The following MTERF4 variants were observed in gnomAD, a reference collection of about 807,000 sequenced individuals.
The protein encoded by MTERF4 is mitochondrial transcription termination factor 4, also known as transcription termination factor 4, mitochondrial.
In MTERF4, 17 loss-of-function variants were observed where a neutral mutation model predicts 22.5. The ratio of observed to expected loss-of-function variants is 0.75; its 90% confidence interval spans 0.52 to 1.13. The LOEUF is 1.13. Ranked by LOEUF, MTERF4 falls within the 50% of genes most tolerant of loss-of-function variation. The pLI is 0.00. For synonymous variants in MTERF4, 165 were observed against 175.3 expected (o/e 0.94, Z 0.47); for missense variants, 420 against 466.8 (o/e 0.90, Z 0.92).
downstream of MTERF4, chr2:241,070,282 AGGG>A: frequency 7.1e-7 from 1 of 1,413,070 alleles, no homozygotes; most frequent in Non-Finnish European, 9.5e-7. Flanking sequence ...CTGGCCCTGC[AGGG>A]GCCTGGGATG....
At position 241,095,829 on chromosome 2, in the gene MTERF4, G is replaced by T; in HGVS notation, c.*169C>A. ...AACATGCATTTCCTGTTTCCTGTTT[G>T]GTTTGATCTGTCTGCCTCTCAGGTG... On this transcript the variant is annotated 3_prime_UTR_variant, in exon 4 of 4. Coordinates refer to ENST00000391980, the MANE Select transcript of MTERF4 (RefSeq NM_182501.4). The T allele has an allele frequency of 8.2e-7, 1 of 1,224,402 alleles. No homozygotes were observed. The highest frequency in any genetic ancestry group is 1.1e-6 in the Non-Finnish European group (1 of 882,972). The allele number at this position is 1,224,402 out of a possible 1,614,324, so 75.8% of individuals were successfully genotyped here. A position where few individuals can be genotyped will look rare whatever the true frequency, so the allele number is the denominator to read the frequency against.
At chr2:241,081,152 C>A (rs1323893691) in intron 4 of MTERF4, among the ~76,000 whole-genome samples, 1 of 152,220 alleles carries the variant, frequency 6.6e-6, no homozygotes, top group Non-Finnish European at 1.5e-5. Context: ...GGGCAGCAGC[C>A]CTGCAAAGAC....
At chr2:241,050,213 T>A in the MTERF4 span, among the ~76,000 whole-genome samples, 1 of 152,234 alleles carries the variant, frequency 6.6e-6, no homozygotes, top group African/African-American at 2.4e-5. Flanking sequence ...GATTTTAGAA[T>A]CATTATATCA....
chr2:241,067,252 G>A (rs2062494037), downstream of MTERF4, among the ~76,000 whole-genome samples: 1 of 152,230 alleles, frequency 6.6e-6, no homozygotes, highest in Non-Finnish European at 1.5e-5. Context: ...CATCAGCAGT[G>A]GCACTGGAGC....
At chr2:241,089,958 T>C (rs1559322368), downstream of MTERF4, 1 of 1,545,352 alleles carries the variant, frequency 6.5e-7, no homozygotes, top group Non-Finnish European at 8.7e-7. Context: ...AAAATAGATA[T>C]AAAAGATAAA....
the MTERF4 span, chr2:241,049,997 C>T: frequency 2.5e-6 from 3 of 1,176,920 alleles, no homozygotes; most frequent in Non-Finnish European, 3.8e-6. Flanking sequence ...GGTCCGCCGT[C>T]CTGCTTCTCT....
At chr2:241,060,631 C>T in the MTERF4 span, among the ~76,000 whole-genome samples, 1 of 131,942 alleles carries the variant, frequency 7.6e-6, no homozygotes, top group South Asian at 2.5e-4. Context: ...GATTAAAGAC[C>T]TAAATGTTTC....
At chr2:241,078,550 T>C (rs920974187) in intron 4 of MTERF4, among the ~76,000 whole-genome samples, 18 of 151,870 alleles carry the variant, frequency 1.2e-4, no homozygotes, top group African/African-American at 4.1e-4. Context: ...GAAGACTCTA[T>C]GTACTATGAT....
At chr2:241,051,218 C>A in the MTERF4 span, 1 of 152,730 alleles carries the variant, frequency 6.5e-6, no homozygotes, top group Non-Finnish European at 1.5e-5. The surrounding 1 kb of genome is among the most constrained non-coding windows in gnomAD (Gnocchi z 4.7). Context: ...TCGCAGACAC[C>A]TTTAAATATG....
At chr2:241,067,388 T>C (rs920215882), downstream of MTERF4, among the ~76,000 whole-genome samples, 3 of 152,208 alleles carry the variant, frequency 2.0e-5, no homozygotes, top group African/African-American at 7.2e-5. Flanking sequence ...ATGTGTGCTC[T>C]TAGACCAAAA....
At chr2:241,087,627 C>T (rs1356364474), downstream of MTERF4, 2 of 1,438,806 alleles carry the variant, frequency 1.4e-6, no homozygotes, top group Non-Finnish European at 1.8e-6. Flanking sequence ...CCACGTTCTG[C>T]TACGAAACTG....
chr2:241,089,443 TCA>T, downstream of MTERF4: 1 of 1,546,854 alleles, frequency 6.5e-7, no homozygotes, highest in East Asian at 2.4e-5. Context: ...AGATATAGGC[TCA>T]CACACACCAA....
At chr2:241,094,158 C>A, downstream of MTERF4, 1 of 369,212 alleles carries the variant, frequency 2.7e-6, no homozygotes, top group African/African-American at 2.1e-5. This position sits in a 1 kb window ranked among gnomAD's most constrained non-coding sequence, Gnocchi z 4.3. Flanking sequence ...TAAAGACAAA[C>A]TCTCCCTTTT....
chr2:241,082,135 C>T (rs990628328), downstream of MTERF4: 2 of 657,174 alleles, frequency 3.0e-6, no homozygotes, highest in African/African-American at 3.6e-5. Context: ...AGCTGCAGAC[C>T]CCCGGGCCCT....
At chr2:241,063,138 C>T in the MTERF4 span, among the ~76,000 whole-genome samples, 2 of 152,240 alleles carry the variant, frequency 1.3e-5, no homozygotes, top group Non-Finnish European at 2.9e-5. Context: ...GGCTTCAGGG[C>T]GCAGAGAAGG....
exon 5 of MTERF4, chr2:241,072,574 C>G (rs140314700): frequency 0.012 from 3,114 of 268,506 alleles, 29 homozygotes; most frequent in Non-Finnish European, 0.016. Flanking sequence ...AGCAAAAACT[C>G]CTCAGGCAGA....
At position 241,099,841 on chromosome 2, in the gene MTERF4, C is replaced by A; in HGVS notation, c.75G>T (p.Gln25His). The change falls in exon 2 of 4, where the codon CAG (glutamine) becomes CAT (histidine). Residue 25 changes from glutamine (Q) to histidine (H), a missense_variant. Coordinates refer to ENST00000391980, the MANE Select transcript of MTERF4 (RefSeq NM_182501.4). ...TTCTCTGTTCTCCAAGATGAGGAGTCTGCCTAGCCATACAGGCCCAGGTGA... is the reference window on the plus strand; with the variant it reads ...TTCTCTGTTCTCCAAGATGAGGAGTATGCCTAGCCATACAGGCCCAGGTGA... ...IPLTWACMARQTPHLGEQRRT... is the reference protein window; with the variant it reads ...IPLTWACMARHTPHLGEQRRT... 1 of 1,613,908 alleles carries A rather than the reference C, an allele frequency of 6.2e-7. No homozygotes were observed. Among genetic ancestry groups the A allele is most frequent in the Non-Finnish European group, 8.5e-7 (1 of 1,180,022 alleles).
the MTERF4 span, among the ~76,000 whole-genome samples, chr2:241,051,038 G>T: frequency 1.7e-4 from 26 of 152,214 alleles, 1 homozygote; most frequent in Non-Finnish European, 2.6e-4. This position sits in a 1 kb window ranked among gnomAD's most constrained non-coding sequence, Gnocchi z 4.7. Context: ...TCAGGGGTGG[G>T]GCAGCCAGAG....
Position 241,075,626 on chromosome 2 carries a change from C to G in MTERF4, n.536G>C, listed in dbSNP as rs1177365028. On this transcript the variant is annotated non_coding_transcript_exon_variant, in exon 5 of 5. Coordinates refer to the MTERF4 transcript ENST00000464344. This position sits in a 1 kb window ranked among gnomAD's most constrained non-coding sequence, Gnocchi z 4.8. ...ACTGATCCTTTGTCAGGTCTGTGTT[C>G]TGCAGGTATCTTCCTCCAGCCTCTG... is the stretch of plus-strand genomic sequence containing the variant. The G allele has an allele frequency of 1.3e-5, 2 of 151,872 alleles. No homozygotes were observed. Among genetic ancestry groups the G allele is most frequent in the Admixed American group, 1.3e-4 (2 of 15,248 alleles). 9.4% of individuals were successfully genotyped at this position (151,872 alleles called of 1,614,324 possible).
Sources: allele counts gnomAD v4.1 joint callset (sites outside exome capture counted in the v4.1 genomes callset), GRCh38; gene constraint gnomAD v4.1.1; non-coding constraint Gnocchi (gnomAD v3.1); transcripts MANE v1.5; gene names NCBI Gene and HGNC (gene_info 2026-07-23, HGNC 2026-07-21).